The following PSPC1 variants were observed in gnomAD, a reference collection of about 807,000 sequenced individuals.
The protein encoded by PSPC1 is paraspeckle component 1, also known as paraspeckle protein 1.
A neutral mutation model predicts 51.6 loss-of-function variants in PSPC1; 14 were observed. That is an observed-to-expected ratio of 0.27 (90% CI 0.18 to 0.42). The LOEUF is 0.42. PSPC1 is among the 10% of genes least tolerant of loss of function. The probability of loss-of-function intolerance (pLI) is 1.00; values close to 1 mark genes in which losing one functional copy is unlikely to be tolerated. For missense variants in PSPC1, 406 were observed against 701.1 expected (o/e 0.58, Z 4.75); for synonymous variants, 193 against 231.9 (o/e 0.83, Z 1.53).
chr13:19,738,433 T>C (rs1259118473), intron 5 of PSPC1, among the ~76,000 whole-genome samples: 1 of 152,178 alleles, frequency 6.6e-6, no homozygotes, highest in Non-Finnish European at 1.5e-5. Context: ...TCCTACACAC[T>C]TAAAAGCATC....
intron 1 of PSPC1, among the ~76,000 whole-genome samples, chr13:19,778,507 G>A (rs1408035708): frequency 1.9e-4 from 27 of 142,360 alleles, no homozygotes; most frequent in Non-Finnish European, 1.4e-4. Context: ...TCAGTCTGCC[G>A]AATGCCTGCA....
chr13:19,777,429 C>CAAAAAA (rs397938970), intron 1 of PSPC1, among the ~76,000 whole-genome samples: 8 of 47,844 alleles, frequency 1.7e-4, no homozygotes, highest in Middle Eastern at 0.021. Context: ...GACCTCAGCT[C>CAAAAAA]AAAAAAAAAA....
chr13:19,778,969 C>T (rs1184153287), intron 1 of PSPC1, among the ~76,000 whole-genome samples: 40 of 140,616 alleles, frequency 2.8e-4, no homozygotes, highest in East Asian at 2.2e-3. Context: ...AAGTGAGGAG[C>T]GTCTCTGCCC....
intron 8 of PSPC1, among the ~76,000 whole-genome samples, chr13:19,703,665 A>C (rs9508854): frequency 5.3e-5 from 8 of 152,306 alleles, no homozygotes; most frequent in Middle Eastern, 3.4e-3. Context: ...TATTATAATA[A>C]ATCTCTGATT....
In PSPC1 at chr13:19,753,478, C is replaced by T. The variant is rs187768389; in HGVS notation, c.771-2011G>A. On this transcript the variant is annotated intron_variant, in intron 3 of 8. Transcript: ENST00000338910. Reference sequence around the variant, plus strand: ...TGGTCTCAAACTCCTGGAAGCAATGCTTCTGCCTCCCAAAGTGCTGGGATT... The same window carrying T: ...TGGTCTCAAACTCCTGGAAGCAATGTTTCTGCCTCCCAAAGTGCTGGGATT... 2.4e-3 allele frequency among the ~76,000 whole-genome samples: 360 copies of T among 152,160 alleles called. 3 individuals are homozygous for T. The highest frequency in any genetic ancestry group is 8.3e-3 in the African/African-American group (346 of 41,514).
At chr13:19,723,046 G>A (rs1015841180) in intron 6 of PSPC1, among the ~76,000 whole-genome samples, 2 of 152,136 alleles carry the variant, frequency 1.3e-5, no homozygotes, top group Non-Finnish European at 2.9e-5. Flanking sequence ...AGGAGGCAGA[G>A]GTTGCAGTGA....
chr13:19,722,115 C>T (rs1196811769), intron 6 of PSPC1, among the ~76,000 whole-genome samples: 1 of 151,876 alleles, frequency 6.6e-6, no homozygotes. Context: ...TTCGTGACCT[C>T]GAAAAATTCA....
chr13:19,773,949 G>T lies in PSPC1; in HGVS notation c.373-1406C>A, dbSNP rs181793885. Among the ~76,000 whole-genome samples, 1,318 of 152,230 alleles carry T rather than the reference G, an allele frequency of 8.7e-3. 23 individuals are homozygous for T. The highest frequency in any genetic ancestry group is 0.03 in the African/African-American group (1,261 of 41,522). ...TAAGATTACAGGTGTGAGCCATCTT[G>T]CCCTAGCCAATGTCTTCTTAATGAC... On this transcript the variant is annotated intron_variant, in intron 1 of 8. Coordinates refer to ENST00000338910, the MANE Select transcript of PSPC1 (RefSeq NM_001354909.2).
chr13:19,673,132 T>C (rs1467144579), downstream of PSPC1: 1 of 453,428 alleles, frequency 2.2e-6, no homozygotes, highest in Non-Finnish European at 4.4e-6. Flanking sequence ...CCTTGTGCCC[T>C]TGTTTTGAAC....
chr13:19,722,740 G>A (rs1057193457), intron 6 of PSPC1, among the ~76,000 whole-genome samples: 14 of 152,114 alleles, frequency 9.2e-5, no homozygotes, highest in African/African-American at 3.4e-4. Context: ...GTTGCCATGA[G>A]CTGAGATCGC....
At chr13:19,721,287 A>G (rs1366542116) in intron 6 of PSPC1, among the ~76,000 whole-genome samples, 4 of 152,154 alleles carry the variant, frequency 2.6e-5, no homozygotes. Context: ...AATAATTAAA[A>G]TTATTATTAG....
chr13:19,739,709 T>C (rs1300101655), intron 5 of PSPC1, among the ~76,000 whole-genome samples: 1 of 151,792 alleles, frequency 6.6e-6, no homozygotes, highest in Non-Finnish European at 1.5e-5. Flanking sequence ...CACCATTGCA[T>C]TCAAGCCTGG....
At chr13:19,774,702 G>A (rs1888924136) in intron 1 of PSPC1, among the ~76,000 whole-genome samples, 1 of 151,590 alleles carries the variant, frequency 6.6e-6, no homozygotes. Context: ...CTACTTGGGG[G>A]ACTGAGGTGG....
At chr13:19,707,452 C>T (rs1880839734) in intron 7 of PSPC1, among the ~76,000 whole-genome samples, 1 of 152,166 alleles carries the variant, frequency 6.6e-6, no homozygotes, top group African/African-American at 2.4e-5. Flanking sequence ...AATCTGCTGC[C>T]ACTTTCCATC....
chr13:19,771,655 C>A (rs1267257594), intron 2 of PSPC1, among the ~76,000 whole-genome samples: 1 of 151,574 alleles, frequency 6.6e-6, no homozygotes, highest in Non-Finnish European at 1.5e-5. Flanking sequence ...GAGACAGAGT[C>A]TGTCACCCAG....
intron 1 of PSPC1, among the ~76,000 whole-genome samples, chr13:19,780,030 C>T (rs1173051398): frequency 2.9e-3 from 329 of 113,552 alleles, no homozygotes; most frequent in Middle Eastern, 5.3e-3. Context: ...CCCCCCTGCC[C>T]GGCCAGCCGC....
downstream of PSPC1, chr13:19,673,221 G>A: frequency 2.3e-6 from 1 of 428,898 alleles, no homozygotes; most frequent in South Asian, 1.7e-5. Flanking sequence ...TCTCTGGGAA[G>A]AGTTCCTGCT....
intron 5 of PSPC1, among the ~76,000 whole-genome samples, chr13:19,733,606 C>CA (rs1157267092): frequency 6.6e-6 from 1 of 151,536 alleles, no homozygotes; most frequent in African/African-American, 2.4e-5. Context: ...ACTAAAAATA[C>CA]AAAAAAATTA....
intron 6 of PSPC1, among the ~76,000 whole-genome samples, chr13:19,725,422 A>G (rs1217841474): frequency 6.6e-6 from 1 of 152,194 alleles, no homozygotes; most frequent in East Asian, 1.9e-4. Flanking sequence ...CACAAGCTCT[A>G]CGAGTTTGGT....
Sources: allele counts gnomAD v4.1 joint callset (sites outside exome capture counted in the v4.1 genomes callset), GRCh38; gene constraint gnomAD v4.1.1; transcripts MANE v1.5; gene names NCBI Gene and HGNC (gene_info 2026-07-23, HGNC 2026-07-21).